SAMD5: variants seen among roughly 807,000 people sequenced by gnomAD.
The protein encoded by SAMD5 is sterile alpha motif domain-containing protein 5.
In SAMD5, 13 loss-of-function variants were observed where a neutral mutation model predicts 11.3. The observed-to-expected ratio is 1.15, with a 90% CI of 0.75 to 1.83. The LOEUF (loss-of-function observed/expected upper bound fraction) is 1.83, where lower values mean the gene tolerates loss of function less well. Among genes scored for constraint, SAMD5 ranks in the 40% most tolerant of loss-of-function variants. The pLI, the probability that SAMD5 is intolerant of heterozygous loss-of-function variation, is 0.00. For missense variants in SAMD5, 255 were observed against 239.1 expected (o/e 1.07, Z -0.44); for synonymous variants, 129 against 111.3 (o/e 1.16, Z -1.00).
At chr6:147,663,791 C>CAAAAAA (rs199707045) in intron 1 of SAMD5, among the ~76,000 whole-genome samples, 1 of 83,086 alleles carries the variant, frequency 1.2e-5, no homozygotes, top group Non-Finnish European at 2.1e-5. Context: ...AACTCTGTCT[C>CAAAAAA]AAAAAAAAAA....
At position 147,566,414 on chromosome 6, in the gene SAMD5, C is replaced by T. The variant is rs569595898; in HGVS notation, c.*1958C>T. Reference sequence around the variant, plus strand: ...TAACAAATGGCTTCCTGTTTGACCTCATTTCCAGGTGTCGCATCCGTGGCT... The same window carrying T: ...TAACAAATGGCTTCCTGTTTGACCTTATTTCCAGGTGTCGCATCCGTGGCT... On this transcript the variant is annotated 3_prime_UTR_variant, in exon 2 of 2. Transcript: ENST00000367474. 4 of 985,074 alleles carry T rather than the reference C, an allele frequency of 4.1e-6. No individual in the cohort carries two copies. Among genetic ancestry groups the T allele is most frequent in the South Asian group, 4.7e-5 (1 of 21,280 alleles). 61.0% of individuals were successfully genotyped at this position (985,074 alleles called of 1,614,324 possible). A position where few individuals can be genotyped will look rare whatever the true frequency, so the allele number is the denominator to read the frequency against.
chr6:147,818,625 G>A, the SAMD5 span, among the ~76,000 whole-genome samples: 1 of 152,144 alleles, frequency 6.6e-6, no homozygotes, highest in Non-Finnish European at 1.5e-5. Flanking sequence ...CTCCTTCCAG[G>A]ATCTAGGAAA....
chr6:147,720,670 C>T (rs528466439), intron 1 of SAMD5, among the ~76,000 whole-genome samples: 16 of 152,000 alleles, frequency 1.1e-4, no homozygotes, highest in Non-Finnish European at 2.2e-4. Context: ...GTATATAAGA[C>T]TTTAAATTTC....
intron 1 of SAMD5, among the ~76,000 whole-genome samples, chr6:147,621,581 T>G (rs1479386166): frequency 6.6e-6 from 1 of 152,210 alleles, no homozygotes; most frequent in Non-Finnish European, 1.5e-5. Context: ...AGGCCATTCA[T>G]TTTTCTTCGC....
intron 1 of SAMD5, among the ~76,000 whole-genome samples, chr6:147,540,939 T>TG (rs1412095185): frequency 1.6e-5 from 2 of 122,174 alleles, no homozygotes; most frequent in East Asian, 2.2e-4. Context: ...ACGCGTTTTT[T>TG]TTTTTTTTTT....
chr6:147,586,981 A>G (rs1308853342), intron 1 of SAMD5, among the ~76,000 whole-genome samples: 2 of 152,192 alleles, frequency 1.3e-5, no homozygotes, highest in Non-Finnish European at 2.9e-5. Flanking sequence ...TTAAGCTTTG[A>G]AAAATATCTG....
chr6:147,920,582 A>G, the SAMD5 span, among the ~76,000 whole-genome samples: 1 of 152,214 alleles, frequency 6.6e-6, no homozygotes, highest in African/African-American at 2.4e-5. Flanking sequence ...TCTCTACAGA[A>G]CACTGACTAA....
the SAMD5 span, among the ~76,000 whole-genome samples, chr6:147,745,857 C>T: frequency 6.6e-6 from 1 of 151,374 alleles, no homozygotes; most frequent in African/African-American, 2.4e-5. Flanking sequence ...AGGCTTACCG[C>T]AGCCTCCACC....
chr6:147,883,900 G>A, the SAMD5 span, among the ~76,000 whole-genome samples: 44 of 152,196 alleles, frequency 2.9e-4, no homozygotes, highest in East Asian at 7.3e-3. Flanking sequence ...TTAAATCTGC[G>A]TTATTAAATG....
At chr6:147,763,672 C>A in the SAMD5 span, among the ~76,000 whole-genome samples, 1 of 151,798 alleles carries the variant, frequency 6.6e-6, no homozygotes, top group African/African-American at 2.4e-5. Flanking sequence ...GCTCTGCCTC[C>A]CCTGGCTTCA....
At chr6:147,758,757 A>T in the SAMD5 span, among the ~76,000 whole-genome samples, 1 of 151,766 alleles carries the variant, frequency 6.6e-6, no homozygotes, top group Non-Finnish European at 1.5e-5. Context: ...AAGTGATCTG[A>T]CCTCACTTCC....
chr6:147,573,890 C>T (rs1226582234), downstream of SAMD5, among the ~76,000 whole-genome samples: 2 of 151,934 alleles, frequency 1.3e-5, no homozygotes, highest in Non-Finnish European at 2.9e-5. Flanking sequence ...TTTGGGAGGC[C>T]GAGGAGGGCA....
At chr6:147,865,891 A>G in the SAMD5 span, among the ~76,000 whole-genome samples, 1 of 152,210 alleles carries the variant, frequency 6.6e-6, no homozygotes, top group South Asian at 2.1e-4. Flanking sequence ...TAACCTATTT[A>G]GGAAGAAAAT....
the SAMD5 span, among the ~76,000 whole-genome samples, chr6:147,822,718 T>C: frequency 5.9e-5 from 9 of 152,222 alleles, no homozygotes; most frequent in African/African-American, 2.2e-4. Flanking sequence ...TCTCATCCTT[T>C]GTGCCCCCAG....
chr6:147,746,733 A>C, the SAMD5 span, among the ~76,000 whole-genome samples: 2 of 152,338 alleles, frequency 1.3e-5, no homozygotes, highest in African/African-American at 4.8e-5. Flanking sequence ...GGTGGATTTC[A>C]AAAACTATGG....
chr6:147,908,914 A>T, the SAMD5 span, among the ~76,000 whole-genome samples: 3 of 147,306 alleles, frequency 2.0e-5, no homozygotes, highest in Admixed American at 2.1e-4. Flanking sequence ...CATCCATCTA[A>T]ACTAGGCCTC....
At chr6:147,893,879 A>G in the SAMD5 span, among the ~76,000 whole-genome samples, 2 of 152,188 alleles carry the variant, frequency 1.3e-5, no homozygotes, top group East Asian at 1.9e-4. Flanking sequence ...GTAAGTTTGC[A>G]TAGACAGGTT....
chr6:147,686,325 G>C (rs1439334539), intron 1 of SAMD5, among the ~76,000 whole-genome samples: 1 of 152,000 alleles, frequency 6.6e-6, no homozygotes, highest in Admixed American at 6.6e-5. Context: ...TGGTTTTTAC[G>C]CTGTGTTTCA....
chr6:147,878,363 C>T, the SAMD5 span, among the ~76,000 whole-genome samples: 3 of 151,602 alleles, frequency 2.0e-5, no homozygotes, highest in Admixed American at 2.0e-4. Context: ...ACAACGCTTA[C>T]CCCTCTAATC....
Sources: gnomAD v4.1 joint callset for allele counts (sites outside exome capture counted in the v4.1 genomes callset) on GRCh38, gnomAD v4.1.1 for gene constraint, MANE v1.5 for transcripts, NCBI Gene and HGNC (gene_info 2026-07-23, HGNC 2026-07-21) for gene names.